Variants in DPP10 observed in about 807,000 individuals in gnomAD.
DPP10 encodes inactive dipeptidyl peptidase 10.
Under a neutral mutation model 120.9 loss-of-function variants are expected in DPP10, and 33 were observed. The ratio of observed to expected loss-of-function variants is 0.27; its 90% CI spans 0.21 to 0.37. DPP10 has a LOEUF of 0.37. DPP10 is among the 10% of genes least tolerant of loss of function. The pLI, the probability that DPP10 is intolerant of heterozygous loss-of-function variation, is 1.00. For synonymous variants in DPP10, 337 were observed against 326.1 expected, an observed-to-expected ratio of 1.03 and a Z score of -0.36; for missense variants, 816 against 942.8, an observed-to-expected ratio of 0.87 and a Z score of 1.76.
chr2:115,115,750 G>A (rs2049471748), intron 1 of DPP10, among the ~76,000 whole-genome samples: 1 of 152,110 alleles, frequency 6.6e-6, no homozygotes, highest in African/African-American at 2.4e-5. Flanking sequence ...GTTTTATGGT[G>A]TTCTTCTCGT....
At chr2:115,203,229 A>ACAAGGAAGAGTGTTGG (rs1222755380) in intron 1 of DPP10, among the ~76,000 whole-genome samples, 1 of 152,174 alleles carries the variant, frequency 6.6e-6, no homozygotes, top group African/African-American at 2.4e-5. Context: ...GATTTTAAGT[A>ACAAGGAAGAGTGTTGG]CAAGGAAGAG....
At chr2:114,532,786 T>C (rs1157885522) in intron 1 of DPP10, among the ~76,000 whole-genome samples, 9 of 152,112 alleles carry the variant, frequency 5.9e-5, no homozygotes, top group Admixed American at 5.2e-4. Context: ...CCCAACTTCA[T>C]GGAAAGTTTA....
intron 1 of DPP10, among the ~76,000 whole-genome samples, chr2:115,083,986 A>G (rs71418530): frequency 0.021 from 3,126 of 152,296 alleles, 52 homozygotes; most frequent in Non-Finnish European, 0.033. Flanking sequence ...CTCTTCTAAC[A>G]TCCAGGTTAG....
chr2:115,231,220 A>G (rs2057719095), intron 1 of DPP10, among the ~76,000 whole-genome samples: 1 of 152,072 alleles, frequency 6.6e-6, no homozygotes. Context: ...ATAATTATTA[A>G]TCTAAGTTAT....
chr2:115,697,497 A>AGAAGAT (rs2091656355), intron 7 of DPP10, among the ~76,000 whole-genome samples: 1 of 152,002 alleles, frequency 6.6e-6, no homozygotes, highest in African/African-American at 2.4e-5. Flanking sequence ...CAATACAGTA[A>AGAAGAT]GAAGATATAA....
chr2:114,667,714 T>C (rs1178173691), intron 1 of DPP10, among the ~76,000 whole-genome samples: 1 of 152,110 alleles, frequency 6.6e-6, no homozygotes, highest in Non-Finnish European at 1.5e-5. Context: ...GGGATAAGAC[T>C]TCAGAAAAGA....
intron 1 of DPP10, among the ~76,000 whole-genome samples, chr2:115,002,840 C>T (rs1276704948): frequency 6.6e-6 from 1 of 151,766 alleles, no homozygotes; most frequent in East Asian, 1.9e-4. Flanking sequence ...ATAATGATGA[C>T]TATTAAAAAG....
At chr2:115,842,080 A>G in intron 25 of DPP10, 131 bp from the exon 26 acceptor site, 2 of 788,092 alleles carry the variant, frequency 2.5e-6, no homozygotes, top group Non-Finnish European at 1.9e-6. Flanking sequence ...AATAACTTAG[A>G]GTAGAATTAG....
intron 1 of DPP10, among the ~76,000 whole-genome samples, chr2:115,151,956 C>A (rs1286846803): frequency 6.6e-6 from 1 of 151,664 alleles, no homozygotes; most frequent in Non-Finnish European, 1.5e-5. Flanking sequence ...TCCTACTATG[C>A]TGTTTCTTTT....
At position 115,797,883 on chromosome 2, in the gene DPP10, C is replaced by T. The variant is rs2149949330; in HGVS notation, c.1700+6527C>T. ...AATTTAGATAAATTTATAGATAATGCCTAAGCTATAATATTTGTTTGGTGT... is the reference window on the plus strand; with the variant it reads ...AATTTAGATAAATTTATAGATAATGTCTAAGCTATAATATTTGTTTGGTGT... On this transcript the variant is annotated intron_variant, in intron 19 of 25. Transcript: ENST00000410059. Among the ~76,000 whole-genome samples, 2 of 151,414 alleles carry T rather than the reference C, an allele frequency of 1.3e-5. 1 individual carries two copies. Among genetic ancestry groups the T allele is most frequent in the South Asian group, 4.2e-4 (2 of 4,806 alleles).
At chr2:114,679,105 G>C (rs941525758) in intron 1 of DPP10, among the ~76,000 whole-genome samples, 9 of 151,992 alleles carry the variant, frequency 5.9e-5, no homozygotes, top group African/African-American at 2.2e-4. Flanking sequence ...GACAAGTTCT[G>C]ATTACACCCC....
At chr2:115,308,259 G>T (rs1441178594) in intron 1 of DPP10, among the ~76,000 whole-genome samples, 1 of 151,948 alleles carries the variant, frequency 6.6e-6, no homozygotes, top group Non-Finnish European at 1.5e-5. Context: ...TACGGCTTCT[G>T]GTGTGATTTG....
At chr2:114,484,083 T>A (rs537615740) in intron 1 of DPP10, among the ~76,000 whole-genome samples, 2 of 152,240 alleles carry the variant, frequency 1.3e-5, no homozygotes, top group South Asian at 4.1e-4. Flanking sequence ...GTAATAGTGT[T>A]TGTGGAACTC....
At chr2:115,208,343 G>A (rs2056298994) in intron 1 of DPP10, among the ~76,000 whole-genome samples, 1 of 151,762 alleles carries the variant, frequency 6.6e-6, no homozygotes, top group Non-Finnish European at 1.5e-5. Flanking sequence ...GGGATTACAG[G>A]CATCTGCCAC....
intron 1 of DPP10, among the ~76,000 whole-genome samples, chr2:115,268,206 A>G (rs114536235): frequency 0.01 from 1,575 of 152,276 alleles, 26 homozygotes; most frequent in African/African-American, 0.035. Flanking sequence ...TGCACTTTAT[A>G]TGGCTCATCT....
intron 1 of DPP10, among the ~76,000 whole-genome samples, chr2:115,062,168 GTA>G (rs1043987214): frequency 7.5e-5 from 10 of 133,794 alleles, no homozygotes; most frequent in African/African-American, 2.6e-4. Flanking sequence ...GTGTGTGTGT[GTA>G]TGTGTGTGCA....
intron 3 of DPP10, among the ~76,000 whole-genome samples, chr2:115,392,955 A>G (rs1196988343): frequency 6.6e-6 from 1 of 152,128 alleles, no homozygotes; most frequent in East Asian, 1.9e-4. Context: ...AGTTATTGTT[A>G]TGATTTGCAT....
At chr2:115,162,357 C>A in intron 1 of DPP10, 1 of 1,398,100 alleles carries the variant, frequency 7.2e-7, no homozygotes, top group South Asian at 1.5e-5. Context: ...AATGGGGCCT[C>A]TTGGTTCCCC....
At chr2:115,224,264 CTA>C (rs2057324546) in intron 1 of DPP10, among the ~76,000 whole-genome samples, 2 of 151,822 alleles carry the variant, frequency 1.3e-5, no homozygotes, top group Admixed American at 1.3e-4. Flanking sequence ...ATTGAGTTAA[CTA>C]TGTGAAAGTT....
Sources: gnomAD v4.1 joint callset for allele counts (sites outside exome capture counted in the v4.1 genomes callset) on GRCh38, gnomAD v4.1.1 for gene constraint, MANE v1.5 for transcripts, NCBI Gene and HGNC (gene_info 2026-07-23, HGNC 2026-07-21) for gene names.